Variants in LARS2 observed in about 807,000 individuals in gnomAD.
LARS2 encodes the protein leucine--tRNA ligase, mitochondrial.
LARS2 carries 81 observed loss-of-function variants against 116.6 expected under a neutral mutation model. The ratio of observed to expected loss-of-function variants is 0.69; its 90% CI spans 0.58 to 0.84. LARS2 has a LOEUF of 0.84. Ranked by LOEUF, LARS2 falls within the 40% of genes least tolerant of loss-of-function variation. The pLI, the probability that LARS2 is intolerant of heterozygous loss-of-function variation, is 0.00. For synonymous variants in LARS2, 396 were observed against 407.2 expected (o/e 0.97, Z 0.33); for missense variants, 968 against 1,114.5 (o/e 0.87, Z 1.87).
chr3:45,459,840 G>A (rs1414619538), intron 8 of LARS2, among the ~76,000 whole-genome samples: 2 of 152,206 alleles, frequency 1.3e-5, no homozygotes, highest in East Asian at 3.8e-4. Flanking sequence ...GAAAAGGTAA[G>A]GGCATCATGA....
chr3:45,487,880 T>C (rs926912536), intron 11 of LARS2, among the ~76,000 whole-genome samples: 4 of 152,094 alleles, frequency 2.6e-5, no homozygotes, highest in Non-Finnish European at 4.4e-5. Flanking sequence ...CAAGGACATA[T>C]GTGAGTTAAA....
intron 13 of LARS2, among the ~76,000 whole-genome samples, chr3:45,493,493 C>G (rs1427008511): frequency 6.6e-6 from 1 of 152,138 alleles, no homozygotes; most frequent in African/African-American, 2.4e-5. Flanking sequence ...GGCACCAGAG[C>G]CCACCAGATG....
intron 6 of LARS2, among the ~76,000 whole-genome samples, chr3:45,438,741 A>T (rs1039495265): frequency 6.6e-6 from 1 of 151,864 alleles, no homozygotes; most frequent in South Asian, 2.1e-4. Context: ...AGGCTGAGAC[A>T]GGAGAATCGC....
Position 45,471,027 on chromosome 3 carries a change from G to T in LARS2, c.751-3216G>T, listed in dbSNP as rs1296456721. On this transcript the variant is annotated intron_variant, in intron 8 of 21. Transcript: ENST00000645846. ...AATGAGGCGAATACCATCTATCACT[G>T]TAATTACAACACTAAAAAAAAAAAA... Among the ~76,000 whole-genome samples, 6 of 95,202 alleles carry T rather than the reference G, an allele frequency of 6.3e-5. No individual in the cohort carries two copies. The Admixed American group carries it at 1.0e-3, about 17-fold the overall frequency. 62.5% of individuals were successfully genotyped at this position (95,202 alleles called of 152,430 possible).
rs116826217 is a variant in LARS2 at position 45,496,303 on chromosome 3, G to A, written c.1552G>A (p.Asp518Asn). ...CAAGGGAGCAGCCAAGAGAGAGACA[G>A]ACACGATGGATACCTTTGTTGATTC... The part of the protein sequence containing the change: ...RCKGAAKRET[D>N]TMDTFVDSAW... The change falls in exon 14 of 22, where the codon GAC (aspartate) becomes AAC (asparagine). Residue 518 changes from aspartate (D) to asparagine (N), a missense_variant. By Grantham distance (23) the Asp-to-Asn change is conservative (BLOSUM62 1). Transcript: ENST00000645846. The A allele has an allele frequency of 5.9e-3, 9,598 of 1,613,938 alleles. 41 individuals are homozygous for A. Among genetic ancestry groups the A allele is most frequent in the Non-Finnish European group, 7.3e-3 (8,609 of 1,179,774 alleles).
chr3:45,478,821 C>G (rs1699655183), intron 10 of LARS2, among the ~76,000 whole-genome samples: 1 of 152,166 alleles, frequency 6.6e-6, no homozygotes, highest in Non-Finnish European at 1.5e-5. Flanking sequence ...TTTTTGACAT[C>G]ATAGTCACAG....
At chr3:45,504,291 A>T (rs1040339730) in intron 15 of LARS2, among the ~76,000 whole-genome samples, 7 of 152,194 alleles carry the variant, frequency 4.6e-5, no homozygotes, top group African/African-American at 1.4e-4. Context: ...TTTGATAGAT[A>T]GAAAAATATT....
At position 45,459,457 on chromosome 3, in the gene LARS2, C is replaced by T. The variant is rs552310349; in HGVS notation, c.750+571C>T. Among the ~76,000 whole-genome samples the T allele has an allele frequency of 2.0e-4, 30 of 152,290 alleles. No homozygotes were observed. In the South Asian group the frequency reaches 2.5e-3, roughly 13 times the overall value. ...CCAAGTGAAAATGAACTAAGCCAGG[C>T]GCTAAAGCTTGATAAACTGGTTCTT... On this transcript the variant is annotated intron_variant, in intron 8 of 21. Transcript: ENST00000645846.
In LARS2 at chr3:45,549,015, A is replaced by G. The variant is rs1473422174; in HGVS notation, c.*1485A>G. ...TGTTCCAGAACTTACAGTCCATGGT[A>G]GACAACACTGATACAGGCAAACTAG... On this transcript the variant is annotated 3_prime_UTR_variant, in exon 22 of 22. Coordinates refer to ENST00000645846, the MANE Select transcript of LARS2 (RefSeq NM_015340.4). 2 of 152,240 alleles carry G rather than the reference A, an allele frequency of 1.3e-5. No homozygotes were observed. The highest frequency in any genetic ancestry group is 2.1e-4 in the South Asian group (1 of 4,832). 9.4% of individuals were successfully genotyped at this position (152,240 alleles called of 1,614,324 possible).
chr3:45,438,308 G>A (rs1276218774), intron 6 of LARS2, among the ~76,000 whole-genome samples: 4 of 152,118 alleles, frequency 2.6e-5, no homozygotes, highest in Non-Finnish European at 5.9e-5. Context: ...TCATAGCTGG[G>A]CTGCACTTCC....
In LARS2 at chr3:45,496,466, C is replaced by A. The variant is rs186034656; in HGVS notation, c.1622+93C>A. ...ATGGAATTAGACATGCAAGAGATTT[C>A]TTGGGGGGAAATGCCTGTGCAGATT... On this transcript the variant is annotated intron_variant, in intron 14 of 21. Transcript: ENST00000645846. 4 of 954,072 alleles carry A rather than the reference C, an allele frequency of 4.2e-6. No homozygotes were observed. The Admixed American group carries it at 7.1e-5, about 17-fold the overall frequency. 59.1% of individuals were successfully genotyped at this position (954,072 alleles called of 1,614,324 possible).
chr3:45,419,831 AG>A, intron 6 of LARS2, 102 bp downstream of exon 6: 1 of 923,044 alleles, frequency 1.1e-6, no homozygotes, highest in South Asian at 1.3e-5. Context: ...CAAGGGTGGG[AG>A]GCAGGAAGCA....
chr3:45,440,397 G>A (rs1698884822), intron 6 of LARS2, among the ~76,000 whole-genome samples: 1 of 152,142 alleles, frequency 6.6e-6, no homozygotes, highest in Non-Finnish European at 1.5e-5. Context: ...AAAAGCATGT[G>A]AACAACTCTC....
Position 45,547,607 on chromosome 3 carries a change from C to A in LARS2, c.*77C>A. On this transcript the variant is annotated 3_prime_UTR_variant, in exon 22 of 22. Transcript: ENST00000645846. ...GCCTGGGATGAGGGGGCGATGTCTG[C>A]TGGCCCAGGGGAAGGGAAAAGACAA... 1 of 1,330,046 alleles carries A rather than the reference C, an allele frequency of 7.5e-7. No homozygotes were observed. The allele number at this position is 1,330,046 out of a possible 1,614,324, so 82.4% of individuals were successfully genotyped here.
rs9829335 is a variant in LARS2, at chr3:45,447,831, G to A, written c.606+851G>A. On this transcript the variant is annotated intron_variant, in intron 7 of 21. Transcript: ENST00000645846. ...TTATGGTGGGAGCTCAATAATGATA[G>A]GTAAGACTTGGAATGGTGGGAGATG... 2.8e-3 allele frequency among the ~76,000 whole-genome samples: 432 copies of A among 152,226 alleles called. 6 individuals carry two copies. Among genetic ancestry groups the A allele is most frequent in the African/African-American group, 9.8e-3 (409 of 41,528 alleles).
At chr3:45,517,768 GC>G (rs1700391257) in intron 17 of LARS2, 134 bp from the exon 18 acceptor site, 2 of 632,494 alleles carry the variant, frequency 3.2e-6, no homozygotes, top group East Asian at 5.9e-5. Flanking sequence ...CCTTCAGCCT[GC>G]CCTCAGAGGA....
chr3:45,541,190 G>C (rs531298726), intron 20 of LARS2, among the ~76,000 whole-genome samples: 1 of 152,280 alleles, frequency 6.6e-6, no homozygotes, highest in South Asian at 2.1e-4. Flanking sequence ...CTTGGGGGCT[G>C]CGGCACGAAG....
intron 21 of LARS2, among the ~76,000 whole-genome samples, chr3:45,546,709 C>G (rs1049440953): frequency 1.3e-5 from 2 of 152,042 alleles, no homozygotes; most frequent in Non-Finnish European, 2.9e-5. Context: ...GTCACCTTCC[C>G]TCATTGAATC....
At chr3:45,534,649 A>G (rs1248369073) in intron 20 of LARS2, among the ~76,000 whole-genome samples, 1 of 152,220 alleles carries the variant, frequency 6.6e-6, no homozygotes, top group East Asian at 1.9e-4. Context: ...AAAGAGCAAC[A>G]GAATTGAGAT....
Sources: allele counts gnomAD v4.1 joint callset (sites outside exome capture counted in the v4.1 genomes callset), GRCh38; gene constraint gnomAD v4.1.1; transcripts MANE v1.5; gene names NCBI Gene and HGNC (gene_info 2026-07-23, HGNC 2026-07-21).